FRMPD4: variants seen among roughly 807,000 people sequenced by gnomAD.
FRMPD4 encodes the protein FERM and PDZ domain containing 4.
Under a neutral mutation model 94.1 loss-of-function variants are expected in FRMPD4, and 22 were observed. The ratio of observed to expected loss-of-function variants is 0.23; its 90% CI spans 0.17 to 0.33. FRMPD4 has a LOEUF of 0.33. FRMPD4 is among the 10% of genes least tolerant of loss of function. The pLI, the probability that FRMPD4 is intolerant of heterozygous loss-of-function variation, is 1.00. For missense variants in FRMPD4, 1,111 were observed against 1,339.9 expected, an observed-to-expected ratio of 0.83 and a Z score of 2.67; for synonymous variants, 631 against 548.6, an observed-to-expected ratio of 1.15 and a Z score of -2.10.
At chrX:12,553,825 A>C (rs1292081943) in intron 2 of FRMPD4, among the ~76,000 whole-genome samples, 1 of 111,778 alleles carries the variant, frequency 8.9e-6, no homozygotes, top group Admixed American at 9.6e-5. Flanking sequence ...TTTTATACAC[A>C]ATGTGAATTA....
chrX:12,461,022 A>G (rs1009928537), intron 1 of FRMPD4, among the ~76,000 whole-genome samples: 8 of 112,078 alleles, frequency 7.1e-5, no homozygotes, highest in African/African-American at 2.6e-4. Flanking sequence ...ATACAAAATA[A>G]TAGTTATTAA....
At position 12,659,475 on chromosome X, in the gene FRMPD4, A is replaced by G. The variant is rs181278840; in HGVS notation, c.423-15388A>G. Among the ~76,000 whole-genome samples the G allele has an allele frequency of 1.2e-4, 13 of 112,551 alleles. No homozygotes were observed. The Admixed American group carries it at 1.2e-3, about 11-fold the overall frequency. ...CACTATTGACATTTTGTGCTGAGTA[A>G]TTCTTTGTTGTGGGGGCTGTCATGT... On this transcript the variant is annotated intron_variant, in intron 4 of 16. Coordinates refer to ENST00000675598, the MANE Select transcript of FRMPD4 (RefSeq NM_001368397.1).
intron 1 of FRMPD4, among the ~76,000 whole-genome samples, chrX:12,248,390 G>A (rs1420841027): frequency 1.8e-5 from 2 of 112,235 alleles, no homozygotes; most frequent in South Asian, 7.5e-4. Flanking sequence ...GGCAAGATAT[G>A]CTCTTGCCTT....
At chrX:12,116,525 G>C (rs190146945) in intron 3 of FRMPD4, among the ~76,000 whole-genome samples, 1 of 111,717 alleles carries the variant, frequency 9.0e-6, no homozygotes, top group East Asian at 2.8e-4. Context: ...TTTGAACTAC[G>C]GGAACTGAAA....
At chrX:12,291,094 G>GA (rs1265617265) in intron 1 of FRMPD4, among the ~76,000 whole-genome samples, 1 of 111,020 alleles carries the variant, frequency 9.0e-6, no homozygotes, top group East Asian at 2.8e-4. Flanking sequence ...CCCTGGTTGG[G>GA]TAAAAAAATA....
intron 1 of FRMPD4, among the ~76,000 whole-genome samples, chrX:12,385,759 A>G (rs1321012536): frequency 1.8e-5 from 2 of 112,546 alleles, no homozygotes; most frequent in Non-Finnish European, 3.8e-5. Flanking sequence ...AAGAGTTTCT[A>G]AGAATAATTT....
intron 7 of FRMPD4, among the ~76,000 whole-genome samples, chrX:12,687,217 G>A (rs188571475): frequency 6.2e-5 from 7 of 112,089 alleles, no homozygotes; most frequent in Admixed American, 2.8e-4. Flanking sequence ...GGCTTAATAC[G>A]TCATGCAGTG....
At position 12,718,069 on chromosome X, in the gene FRMPD4, G is replaced by C. The variant is rs1473865301; in HGVS notation, c.3243G>C (p.Leu1081=). The change falls in exon 16 of 17, where the codon CTG becomes CTC. Residue 1081 remains leucine, a synonymous_variant. Transcript: ENST00000675598. The part of the protein sequence containing the change: ...RDSQHLSTFN[L]ERTAFRKDSQ... ...GTCAACACCTGAGCACTTTTAATCT[G>C]GAGAGAACTGCCTTTCGCAAGGACA... 2 of 1,209,426 alleles carry C rather than the reference G, an allele frequency of 1.7e-6. No individual in the cohort carries two copies. Among genetic ancestry groups the C allele is most frequent in the Admixed American group, 4.4e-5 (2 of 45,915 alleles).
chrX:11,920,032 T>C (rs1337955907), intron 3 of FRMPD4, among the ~76,000 whole-genome samples: 1 of 111,987 alleles, frequency 8.9e-6, no homozygotes, highest in Non-Finnish European at 1.9e-5. Context: ...TATGAAACAT[T>C]AGGCAAACAC....
At chrX:12,051,390 C>A in intron 3 of FRMPD4, among the ~76,000 whole-genome samples, 1 of 111,297 alleles carries the variant, frequency 9.0e-6, no homozygotes, top group Non-Finnish European at 1.9e-5. Context: ...TAGATAAAAC[C>A]TTTTATGATG....
intron 10 of FRMPD4, among the ~76,000 whole-genome samples, chrX:12,702,701 G>A (rs903224031): frequency 8.9e-6 from 1 of 112,761 alleles, no homozygotes; most frequent in Non-Finnish European, 1.9e-5. Context: ...ATGAGCCTGT[G>A]TTGGGAAGGA....
intron 1 of FRMPD4, among the ~76,000 whole-genome samples, chrX:12,167,000 C>T (rs539994860): frequency 9.0e-6 from 1 of 111,192 alleles, no homozygotes; most frequent in Middle Eastern, 4.6e-3. Context: ...TTCAATGAAA[C>T]CAGCTCCTGG....
At chrX:12,015,010 T>C (rs1049419076) in intron 3 of FRMPD4, among the ~76,000 whole-genome samples, 2 of 111,598 alleles carry the variant, frequency 1.8e-5, no homozygotes, top group African/African-American at 6.5e-5. Context: ...CCCACAGATA[T>C]ATAAAGAAGA....
chrX:12,337,319 C>T (rs5979601), intron 1 of FRMPD4, among the ~76,000 whole-genome samples: 4 of 111,005 alleles, frequency 3.6e-5, no homozygotes, highest in Non-Finnish European at 7.5e-5. Flanking sequence ...GTCATTGTTC[C>T]GGAATATTGG....
chrX:12,478,178 T>C (rs969071548), intron 1 of FRMPD4, among the ~76,000 whole-genome samples: 2 of 112,073 alleles, frequency 1.8e-5, no homozygotes, highest in Non-Finnish European at 3.8e-5. Context: ...ATTGGCACCT[T>C]CTGCTCCCAG....
intron 1 of FRMPD4, among the ~76,000 whole-genome samples, chrX:12,383,533 G>A (rs760015007): frequency 2.7e-5 from 3 of 111,642 alleles, no homozygotes; most frequent in African/African-American, 9.8e-5. Flanking sequence ...ATTGTTTTAT[G>A]ACGATTTTTA....
intron 3 of FRMPD4, among the ~76,000 whole-genome samples, chrX:11,966,435 C>A (rs888074476): frequency 6.3e-5 from 7 of 111,590 alleles, no homozygotes; most frequent in African/African-American, 2.3e-4. Context: ...TGATCTTGGA[C>A]TTTCTAGCTG....
Position 12,073,340 on chromosome X carries a change from T to A in FRMPD4, c.95+195322T>A, listed in dbSNP as rs540218542. Among the ~76,000 whole-genome samples the A allele has an allele frequency of 1.4e-3, 158 of 112,070 alleles. 1 individual carries two copies. Among genetic ancestry groups the A allele is most frequent in the African/African-American group, 4.9e-3 (152 of 30,908 alleles). On this transcript the variant is annotated intron_variant, in intron 3 of 18. Transcript: ENST00000640291. Reference sequence around the variant, plus strand: ...CTGTCACAACTATTGAACCCTGCTGTTATAACATGAAAATTACCATAGAAA... The same window carrying A: ...CTGTCACAACTATTGAACCCTGCTGATATAACATGAAAATTACCATAGAAA...
chrX:11,827,087 A>ATATAT (rs58743575), intron 1 of FRMPD4, among the ~76,000 whole-genome samples: 9,439 of 82,870 alleles, frequency 0.11, 572 homozygotes, highest in East Asian at 0.13. Context: ...TATATATATA[A>ATATAT]AATATATATG....
Sources: allele counts gnomAD v4.1 joint callset (sites outside exome capture counted in the v4.1 genomes callset), GRCh38; gene constraint gnomAD v4.1.1; transcripts MANE v1.5; gene names NCBI Gene and HGNC (gene_info 2026-07-23, HGNC 2026-07-21).